Variants in MAGI3 observed in about 807,000 individuals in gnomAD.
MAGI3 encodes the protein membrane-associated guanylate kinase, WW and PDZ domain-containing protein 3.
A neutral mutation model predicts 121.8 loss-of-function variants in MAGI3; 43 were observed. The observed-to-expected ratio is 0.35, with a 90% CI of 0.28 to 0.46. MAGI3 has a LOEUF of 0.46. Ranked by LOEUF, MAGI3 falls within the 20% of genes least tolerant of loss-of-function variation. The pLI, the probability that MAGI3 is intolerant of heterozygous loss-of-function variation, is 1.00. For missense variants in MAGI3, 1,547 were observed against 1,797.3 expected, an observed-to-expected ratio of 0.86 and a Z score of 2.52; for synonymous variants, 553 against 639.3, an observed-to-expected ratio of 0.86 and a Z score of 2.04.
intron 1 of MAGI3, among the ~76,000 whole-genome samples, chr1:113,409,250 TAGTA>T (rs1020296079): frequency 6.6e-6 from 1 of 152,088 alleles, no homozygotes; most frequent in Non-Finnish European, 1.5e-5. Flanking sequence ...AGTTCCTTGT[TAGTA>T]AGAATTAGAA....
chr1:113,392,830 G>C (rs1436175233), intron 1 of MAGI3, among the ~76,000 whole-genome samples: 1 of 152,144 alleles, frequency 6.6e-6, no homozygotes, highest in Non-Finnish European at 1.5e-5. Flanking sequence ...TTTTGGGGCT[G>C]TAATTCAGCT....
At chr1:113,639,583 T>C (rs571352543) in intron 9 of MAGI3, among the ~76,000 whole-genome samples, 1 of 152,190 alleles carries the variant, frequency 6.6e-6, no homozygotes, top group Non-Finnish European at 1.5e-5. Flanking sequence ...TTTTCTTTTT[T>C]TGAGATGGAG....
intron 1 of MAGI3, among the ~76,000 whole-genome samples, chr1:113,411,109 C>G (rs149223681): frequency 1.6e-4 from 24 of 152,122 alleles, no homozygotes; most frequent in Non-Finnish European, 2.9e-4. Flanking sequence ...GTGAGTAAAA[C>G]AAAACCAAAA....
At chr1:113,394,518 G>T (rs770593491) in intron 1 of MAGI3, among the ~76,000 whole-genome samples, 50 of 152,204 alleles carry the variant, frequency 3.3e-4, no homozygotes, top group Non-Finnish European at 5.6e-4. Flanking sequence ...ACTATGACTA[G>T]GTTTAGTTTC....
chr1:113,412,134 G>A (rs917615213), intron 1 of MAGI3, among the ~76,000 whole-genome samples: 2 of 149,666 alleles, frequency 1.3e-5, no homozygotes, highest in Non-Finnish European at 2.9e-5. Context: ...TTGGTTTTCT[G>A]TCCTTGTGAT....
At chr1:113,631,847 T>G (rs946513095) in intron 9 of MAGI3, among the ~76,000 whole-genome samples, 4 of 152,218 alleles carry the variant, frequency 2.6e-5, no homozygotes, top group African/African-American at 9.6e-5. Flanking sequence ...CCTAAAGCCT[T>G]TACTTGGTAA....
intron 2 of MAGI3, among the ~76,000 whole-genome samples, chr1:113,570,712 A>G (rs1374582971): frequency 6.6e-6 from 1 of 152,000 alleles, no homozygotes; most frequent in Non-Finnish European, 1.5e-5. Context: ...GTCTGTTCAT[A>G]TCCTTCGCCC....
intron 1 of MAGI3, among the ~76,000 whole-genome samples, chr1:113,437,733 C>T (rs1047658417): frequency 6.7e-6 from 1 of 150,052 alleles, no homozygotes; most frequent in Non-Finnish European, 1.5e-5. Flanking sequence ...CTTCTTTCTT[C>T]TTCCTTTCCT....
At chr1:113,497,106 A>G (rs1656954763) in intron 1 of MAGI3, among the ~76,000 whole-genome samples, 1 of 152,218 alleles carries the variant, frequency 6.6e-6, no homozygotes, top group South Asian at 2.1e-4. Flanking sequence ...AAAATACAAA[A>G]ATTAGCTGGG....
intron 1 of MAGI3, among the ~76,000 whole-genome samples, chr1:113,546,167 A>C (rs565039651): frequency 2.4e-4 from 37 of 152,296 alleles, no homozygotes; most frequent in South Asian, 1.2e-3. Context: ...TGCTACATCC[A>C]ATATATTTTT....
chr1:113,505,223 A>C (rs1185699964), intron 1 of MAGI3, among the ~76,000 whole-genome samples: 3 of 152,180 alleles, frequency 2.0e-5, no homozygotes, highest in African/African-American at 7.2e-5. Context: ...GGAGTGAACT[A>C]TAGAGGCAAT....
At chr1:113,419,821 T>A (rs933557181) in intron 1 of MAGI3, among the ~76,000 whole-genome samples, 1 of 152,200 alleles carries the variant, frequency 6.6e-6, no homozygotes, top group African/African-American at 2.4e-5. Context: ...GCATTCCTTC[T>A]GGAGGCGCTA....
intron 3 of MAGI3, among the ~76,000 whole-genome samples, chr1:113,584,302 A>G (rs1376539385): frequency 6.6e-6 from 1 of 152,160 alleles, no homozygotes; most frequent in African/African-American, 2.4e-5. Flanking sequence ...GTGCTTTCCC[A>G]TATTATTTGG....
rs576481600 is a variant in MAGI3, at chr1:113,401,557, T to C, written c.316+10208T>C. On this transcript the variant is annotated intron_variant, in intron 1 of 20. Transcript: ENST00000307546. ...TAATATGTAAAAGCCCAGATAAATATATTAGATACATATTTTAGGATAAAT... is the reference window on the plus strand; with the variant it reads ...TAATATGTAAAAGCCCAGATAAATACATTAGATACATATTTTAGGATAAAT... 2.6e-3 allele frequency among the ~76,000 whole-genome samples: 395 copies of C among 152,302 alleles called. 2 individuals are homozygous for C. The highest frequency in any genetic ancestry group is 9.1e-3 in the African/African-American group (379 of 41,572).
chr1:113,394,072 TC>T (rs1292740628), intron 1 of MAGI3, among the ~76,000 whole-genome samples: 2 of 152,256 alleles, frequency 1.3e-5, no homozygotes, highest in African/African-American at 4.8e-5. Flanking sequence ...CACTGATTCT[TC>T]CTAGCCTTCT....
In MAGI3 at chr1:113,391,910, G is replaced by A. The variant is rs1650842982; in HGVS notation, c.316+561G>A. On this transcript the variant is annotated intron_variant, in intron 1 of 20. Coordinates refer to ENST00000307546, the MANE Select transcript of MAGI3 (RefSeq NM_001142782.2). The surrounding 1 kb of genome is among the most constrained non-coding windows in gnomAD (Gnocchi z 4.4). ...TTCAGGTGTCTGAGTACCGATGACG[G>A]TACAATATGTGATATGTGGCAGACT... 6.6e-6 allele frequency among the ~76,000 whole-genome samples: 1 copy of A among 152,222 alleles called. No individual in the cohort carries two copies. The highest frequency in any genetic ancestry group is 6.5e-5 in the Admixed American group (1 of 15,282).
chr1:113,445,265 C>T (rs907736415), intron 1 of MAGI3, among the ~76,000 whole-genome samples: 1 of 151,970 alleles, frequency 6.6e-6, no homozygotes, highest in Non-Finnish European at 1.5e-5. Flanking sequence ...TCAATGAACT[C>T]CAAGTAGTGT....
At chr1:113,423,618 T>C (rs1361943170) in intron 1 of MAGI3, among the ~76,000 whole-genome samples, 2 of 152,090 alleles carry the variant, frequency 1.3e-5, no homozygotes, top group African/African-American at 4.8e-5. Flanking sequence ...TGTGTGCTGA[T>C]TGGTCCATGC....
Position 113,662,826 on chromosome 1 carries a change from T to C in MAGI3, c.2815+3561T>C, listed in dbSNP as rs185834298. On this transcript the variant is annotated intron_variant, in intron 16 of 20. Coordinates refer to ENST00000307546, the MANE Select transcript of MAGI3 (RefSeq NM_001142782.2). Reference sequence around the variant, plus strand: ...TTGTTGTTTTCTTTTAATGCCATTTTACTGTTCTAAGATCCAATCCAGTAT... The same window carrying C: ...TTGTTGTTTTCTTTTAATGCCATTTCACTGTTCTAAGATCCAATCCAGTAT... 7.4e-4 allele frequency among the ~76,000 whole-genome samples: 112 copies of C among 152,374 alleles called. 2 individuals carry two copies. Among genetic ancestry groups the C allele is most frequent in the Admixed American group, 3.7e-3 (57 of 15,302 alleles).
Sources: allele counts gnomAD v4.1 joint callset (sites outside exome capture counted in the v4.1 genomes callset), GRCh38; gene constraint gnomAD v4.1.1; non-coding constraint Gnocchi (gnomAD v3.1); transcripts MANE v1.5; gene names NCBI Gene and HGNC (gene_info 2026-07-23, HGNC 2026-07-21).